YPEL2: variants seen among roughly 807,000 people sequenced by gnomAD.
The protein encoded by YPEL2 is yippee like 2, also known as protein yippee-like 2.
In YPEL2, 2 loss-of-function variants were observed where a neutral mutation model predicts 19.1. The ratio of observed to expected loss-of-function variants is 0.10; its 90% confidence interval spans 0.04 to 0.33. YPEL2 has a LOEUF of 0.33. Ranked by LOEUF, YPEL2 falls within the 10% of genes least tolerant of loss-of-function variation. The pLI is 1.00. For missense variants in YPEL2, 66 were observed against 140.7 expected (o/e 0.47, Z 2.68); for synonymous variants, 52 against 50.0 (o/e 1.04, Z -0.17).
intron 1 of YPEL2, among the ~76,000 whole-genome samples, chr17:59,339,510 T>C (rs1254914023): frequency 2.0e-5 from 3 of 152,178 alleles, no homozygotes; most frequent in Non-Finnish European, 2.9e-5. Context: ...GGCAATTTAA[T>C]GTTGAAGCAT....
At chr17:59,380,776 G>T (rs1176121799) in intron 2 of YPEL2, among the ~76,000 whole-genome samples, 1 of 152,170 alleles carries the variant, frequency 6.6e-6, no homozygotes, top group Non-Finnish European at 1.5e-5. Flanking sequence ...TGGTAAATTG[G>T]GGAAGCAAGT....
chr17:59,360,237 C>T lies in YPEL2; in HGVS notation c.117+6711C>T, dbSNP rs375306639. 4.8e-3 allele frequency among the ~76,000 whole-genome samples: 727 copies of T among 152,308 alleles called. 6 individuals carry two copies. The highest frequency in any genetic ancestry group is 0.017 in the African/African-American group (687 of 41,572). On this transcript the variant is annotated intron_variant, in intron 2 of 4. Coordinates refer to ENST00000312655, the MANE Select transcript of YPEL2 (RefSeq NM_001005404.4). ...GACTACAGGCACCCGCCACCACGCC[C>T]GGCTAATTTTTTGTACTTTTTTAGT... is the stretch of plus-strand genomic sequence containing the variant.
intron 2 of YPEL2, among the ~76,000 whole-genome samples, chr17:59,374,853 A>G (rs1033381457): frequency 6.6e-6 from 1 of 152,218 alleles, no homozygotes; most frequent in Non-Finnish European, 1.5e-5. Context: ...AACTGAACCT[A>G]GTCAGTTTAT....
intron 1 of YPEL2, among the ~76,000 whole-genome samples, chr17:59,344,345 C>T (rs1001262654): frequency 2.6e-5 from 4 of 152,032 alleles, no homozygotes; most frequent in South Asian, 2.1e-4. Flanking sequence ...GGAGAACAGC[C>T]GGGGAGATTG....
chr17:59,376,615 G>GT (rs1484718421), intron 2 of YPEL2, among the ~76,000 whole-genome samples: 1 of 152,128 alleles, frequency 6.6e-6, no homozygotes, highest in African/African-American at 2.4e-5. Flanking sequence ...GGTTTTCGTT[G>GT]TTTTTTGTTG....
At chr17:59,363,286 C>G (rs2047850957) in intron 2 of YPEL2, 1 of 154,420 alleles carries the variant, frequency 6.5e-6, no homozygotes, top group Non-Finnish European at 1.4e-5. Flanking sequence ...CACACTGGTC[C>G]TAAAGACTTA....
chr17:59,344,005 G>C (rs2047743946), intron 1 of YPEL2, among the ~76,000 whole-genome samples: 1 of 152,158 alleles, frequency 6.6e-6, no homozygotes, highest in Admixed American at 6.5e-5. Context: ...AATGAAGTAT[G>C]ACATAGAAGG....
chr17:59,394,959 C>T (rs1025747477), intron 4 of YPEL2, among the ~76,000 whole-genome samples: 1 of 152,224 alleles, frequency 6.6e-6, no homozygotes, highest in African/African-American at 2.4e-5. Flanking sequence ...CGTGGCGGCA[C>T]GCGCCTGCAA....
intron 1 of YPEL2, among the ~76,000 whole-genome samples, chr17:59,352,902 T>G (rs1403213172): frequency 1.3e-5 from 2 of 152,140 alleles, no homozygotes; most frequent in Admixed American, 6.5e-5. Context: ...CCTGGGGCTG[T>G]AGGTGGTAGC....
intron 4 of YPEL2, 95 bp from the exon 5 acceptor site, chr17:59,397,006 G>T: frequency 1.2e-6 from 1 of 856,304 alleles, no homozygotes; most frequent in Admixed American, 3.0e-5. Flanking sequence ...ACTCCAGCCT[G>T]GGTGACAGAG....
intron 4 of YPEL2, among the ~76,000 whole-genome samples, chr17:59,391,938 G>A (rs2048009675): frequency 6.6e-6 from 1 of 151,616 alleles, no homozygotes. Context: ...ATAGTGTGTT[G>A]TGTGGTGCCA....
intron 2 of YPEL2, among the ~76,000 whole-genome samples, chr17:59,362,488 T>G (rs2047846140): frequency 6.6e-6 from 1 of 152,122 alleles, no homozygotes; most frequent in Admixed American, 6.5e-5. Flanking sequence ...TTGTTTTTCT[T>G]TTGCTGCAGA....
In YPEL2 at chr17:59,401,423, A is replaced by G. The variant is rs1330766159; in HGVS notation, c.*4233A>G. 1 of 152,678 alleles carries G rather than the reference A, an allele frequency of 6.5e-6. No homozygotes were observed. Among genetic ancestry groups the G allele is most frequent in the African/African-American group, 2.4e-5 (1 of 41,470 alleles). The allele number at this position is 152,678 out of a possible 1,614,324, so 9.5% of individuals were successfully genotyped here. ...ATCTGCGCATATGTTTTTGTATAAC[A>G]TTTCGGTGACAGTGGGAGTCGGTTC... is the stretch of plus-strand genomic sequence containing the variant. On this transcript the variant is annotated 3_prime_UTR_variant, in exon 5 of 5. Transcript: ENST00000312655.
chr17:59,389,727 C>T (rs571954242), intron 4 of YPEL2, among the ~76,000 whole-genome samples: 203 of 151,720 alleles, frequency 1.3e-3, no homozygotes, highest in African/African-American at 4.7e-3. Flanking sequence ...TAACCTTACT[C>T]GACAGCTCAC....
intron 4 of YPEL2, among the ~76,000 whole-genome samples, chr17:59,396,125 T>C (rs1292342665): frequency 6.6e-6 from 1 of 152,160 alleles, no homozygotes; most frequent in Non-Finnish European, 1.5e-5. Flanking sequence ...CTTATGTTCT[T>C]AGAAACTAGC....
chr17:59,392,701 A>T (rs1385744269), intron 4 of YPEL2, among the ~76,000 whole-genome samples: 1 of 151,780 alleles, frequency 6.6e-6, no homozygotes, highest in African/African-American at 2.4e-5. Flanking sequence ...TTTAGTAGAG[A>T]CGGGGTTTCA....
intron 2 of YPEL2, among the ~76,000 whole-genome samples, chr17:59,378,593 T>C (rs142372955): frequency 1.7e-3 from 253 of 152,236 alleles, no homozygotes; most frequent in Non-Finnish European, 3.1e-3. Flanking sequence ...CACCTTAGCC[T>C]CCCACAGTGC....
At chr17:59,362,129 A>G (rs905940665) in intron 2 of YPEL2, among the ~76,000 whole-genome samples, 1 of 152,030 alleles carries the variant, frequency 6.6e-6, no homozygotes, top group African/African-American at 2.4e-5. Context: ...TGGTAGATGA[A>G]CTAGTGAGGA....
intron 2 of YPEL2, among the ~76,000 whole-genome samples, chr17:59,361,352 CAA>C (rs956176125): frequency 3.3e-5 from 5 of 152,152 alleles, no homozygotes; most frequent in Non-Finnish European, 5.9e-5. Flanking sequence ...TAATACTACT[CAA>C]AAATTTTGTC....
Sources: allele counts gnomAD v4.1 joint callset (sites outside exome capture counted in the v4.1 genomes callset), GRCh38; gene constraint gnomAD v4.1.1; transcripts MANE v1.5; gene names NCBI Gene and HGNC (gene_info 2026-07-23, HGNC 2026-07-21).